The following GCSAML variants were observed in gnomAD, a reference collection of about 807,000 sequenced individuals.
GCSAML encodes germinal center-associated signaling and motility-like protein.
In GCSAML, 9 loss-of-function variants were observed where a neutral mutation model predicts 13.0. That is an observed-to-expected ratio of 0.69 (90% confidence interval 0.42 to 1.21). The LOEUF (loss-of-function observed/expected upper bound fraction) is 1.21. GCSAML is among the 50% of genes most tolerant of loss of function. The pLI, the probability that GCSAML is intolerant of heterozygous loss-of-function variation, is 0.00. For missense variants in GCSAML, 143 were observed against 153.4 expected, an observed-to-expected ratio of 0.93 and a Z score of 0.36; for synonymous variants, 37 against 52.9, an observed-to-expected ratio of 0.70 and a Z score of 1.31.
intron 2 of GCSAML, among the ~76,000 whole-genome samples, chr1:247,561,023 G>A (rs1267932449): frequency 6.6e-6 from 1 of 151,650 alleles, no homozygotes; most frequent in Non-Finnish European, 1.5e-5. Context: ...GCGTGATCTC[G>A]GCTCACTGCA....
chr1:247,550,895 A>C (rs1024684640), intron 1 of GCSAML, among the ~76,000 whole-genome samples: 1 of 152,224 alleles, frequency 6.6e-6, no homozygotes, highest in Non-Finnish European at 1.5e-5. Context: ...TGGATATGGA[A>C]GCAAATTTTA....
At chr1:247,569,133 C>A (rs1489473817) in intron 4 of GCSAML, among the ~76,000 whole-genome samples, 1 of 152,136 alleles carries the variant, frequency 6.6e-6, no homozygotes, top group Non-Finnish European at 1.5e-5. Context: ...TCTAAACATA[C>A]AATCACGTCA....
In GCSAML at chr1:247,533,276, A is replaced by G. The variant is rs367621911; in HGVS notation, c.-148+6222A>G. Among the ~76,000 whole-genome samples the G allele has an allele frequency of 1.0e-3, 158 of 152,216 alleles. No homozygotes were observed. In the South Asian group the frequency reaches 0.011, roughly 10 times the overall value. ...GTTGGGGCTCAGAAAATGATACCCCACCATGAAGGCTTCAGAAGCAAAAGT... is the reference window on the plus strand; with the variant it reads ...GTTGGGGCTCAGAAAATGATACCCCGCCATGAAGGCTTCAGAAGCAAAAGT... On this transcript the variant is annotated intron_variant, in intron 2 of 5. Coordinates refer to the GCSAML transcript ENST00000366489.
At chr1:247,557,654 T>C (rs1451060580) in intron 2 of GCSAML, among the ~76,000 whole-genome samples, 2 of 152,262 alleles carry the variant, frequency 1.3e-5, no homozygotes, top group East Asian at 1.9e-4. Context: ...AACGACACTT[T>C]CCTGCACAAA....
chr1:247,560,831 A>G (rs1166726639), intron 2 of GCSAML, among the ~76,000 whole-genome samples: 5 of 152,204 alleles, frequency 3.3e-5, no homozygotes, highest in Non-Finnish European at 5.9e-5. Context: ...TATAGTCACC[A>G]TATCTCAGTG....
At chr1:247,515,322 T>C (rs1281027119) in intron 1 of GCSAML, among the ~76,000 whole-genome samples, 1 of 152,216 alleles carries the variant, frequency 6.6e-6, no homozygotes, top group Non-Finnish European at 1.5e-5. Context: ...TGTGTGAAGT[T>C]TGTGGTTGAG....
chr1:247,515,190 G>A (rs11590907), intron 1 of GCSAML, among the ~76,000 whole-genome samples: 9,043 of 152,264 alleles, frequency 0.059, 395 homozygotes, highest in Non-Finnish European at 0.093. Context: ...TATGAACCAC[G>A]TGAAAGCTAA....
upstream of GCSAML, among the ~76,000 whole-genome samples, chr1:247,545,982 A>G (rs1326427238): frequency 2.6e-5 from 4 of 152,080 alleles, no homozygotes; most frequent in Non-Finnish European, 4.4e-5. Context: ...ACGAAGAGCT[A>G]CAAGGAAACT....
At chr1:247,533,197 T>TA (rs1235814153) in intron 2 of GCSAML, among the ~76,000 whole-genome samples, 2 of 152,176 alleles carry the variant, frequency 1.3e-5, no homozygotes, top group African/African-American at 4.8e-5. Context: ...TCTAATACTC[T>TA]AACTCATCTC....
chr1:247,552,383 C>T (rs757938985), intron 1 of GCSAML, among the ~76,000 whole-genome samples: 2 of 152,272 alleles, frequency 1.3e-5, no homozygotes, highest in Middle Eastern at 3.4e-3. Context: ...CTCTAGAACA[C>T]GGATGCAGAG....
chr1:247,549,270 A>G (rs533352814), intron 1 of GCSAML, 50 bp downstream of exon 1: 9 of 1,513,788 alleles, frequency 5.9e-6, no homozygotes, highest in Non-Finnish European at 8.2e-6. Flanking sequence ...GAGAACAGAG[A>G]TAAGGAGGCT....
intron 2 of GCSAML, among the ~76,000 whole-genome samples, chr1:247,561,660 T>C (rs994476910): frequency 6.6e-6 from 1 of 152,228 alleles, no homozygotes; most frequent in Admixed American, 6.5e-5. Flanking sequence ...TAATAACTAT[T>C]AACAATAATA....
intron 1 of GCSAML, among the ~76,000 whole-genome samples, chr1:247,555,825 C>A (rs552340424): frequency 6.6e-6 from 1 of 152,172 alleles, no homozygotes; most frequent in South Asian, 2.1e-4. Flanking sequence ...TCTCTAACTT[C>A]GTCATTTAGT....
chr1:247,512,211 A>T (rs1180418052), intron 1 of GCSAML, among the ~76,000 whole-genome samples: 1 of 151,718 alleles, frequency 6.6e-6, no homozygotes, highest in East Asian at 1.9e-4. Context: ...ATTTATTTTC[A>T]TTCTTTTTTC....
intron 4 of GCSAML, among the ~76,000 whole-genome samples, chr1:247,571,149 T>C (rs561616960): frequency 1.3e-5 from 2 of 152,360 alleles, no homozygotes; most frequent in Non-Finnish European, 2.9e-5. Context: ...CTTGAATCTT[T>C]ATCCAATTTG....
In GCSAML at chr1:247,516,102, C is replaced by T. The variant is rs555666112; in HGVS notation, c.-263+8869C>T. ...GAGTGATAGATGATGCAATGTGAAT[C>T]GAAGGCCTAAAACCCACAAGAACAG... On this transcript the variant is annotated intron_variant, in intron 1 of 5. Transcript: ENST00000366489. 6.6e-5 allele frequency among the ~76,000 whole-genome samples: 10 copies of T among 152,180 alleles called. No homozygotes were observed. The South Asian group carries it at 1.9e-3, about 28-fold the overall frequency.
intron 2 of GCSAML, among the ~76,000 whole-genome samples, chr1:247,536,868 T>A (rs1465669532): frequency 1.3e-5 from 2 of 152,178 alleles, no homozygotes; most frequent in African/African-American, 4.8e-5. Flanking sequence ...GACTCTTTTT[T>A]TAAAAAAACC....
chr1:247,510,079 A>G (rs1665976259), intron 1 of GCSAML, among the ~76,000 whole-genome samples: 1 of 151,032 alleles, frequency 6.6e-6, no homozygotes, highest in Non-Finnish European at 1.5e-5. Flanking sequence ...AAGGAATGGC[A>G]GCAGCTCCTC....
At chr1:247,532,876 G>A (rs12749335) in intron 2 of GCSAML, among the ~76,000 whole-genome samples, 2 of 56,532 alleles carry the variant, frequency 3.5e-5, no homozygotes, top group South Asian at 9.2e-4. Context: ...AGACTGGGTG[G>A]GGGGTGTTCA....
Sources: allele counts gnomAD v4.1 joint callset (sites outside exome capture counted in the v4.1 genomes callset), GRCh38; gene constraint gnomAD v4.1.1; transcripts MANE v1.5; gene names NCBI Gene and HGNC (gene_info 2026-07-23, HGNC 2026-07-21).